POM121C: variants seen among roughly 807,000 people sequenced by gnomAD.
POM121C encodes the protein POM121 transmembrane nucleoporin C.
A neutral mutation model predicts 66.4 loss-of-function variants in POM121C; 20 were observed. The observed-to-expected ratio is 0.30, with a 90% confidence interval of 0.21 to 0.44. The LOEUF (loss-of-function observed/expected upper bound fraction) is 0.44. Ranked by LOEUF, POM121C falls within the 20% of genes least tolerant of loss-of-function variation. The pLI, the probability that POM121C is intolerant of heterozygous loss-of-function variation, is 1.00. For missense variants in POM121C, 580 were observed against 1,225.7 expected, an observed-to-expected ratio of 0.47 and a Z score of 7.87; for synonymous variants, 286 against 528.0, an observed-to-expected ratio of 0.54 and a Z score of 6.28.
At chr7:75,437,207 T>G (rs1199217236) in intron 7 of POM121C, among the ~76,000 whole-genome samples, 1 of 152,252 alleles carries the variant, frequency 6.6e-6, no homozygotes, top group African/African-American at 2.4e-5. Flanking sequence ...CTGGCCTATA[T>G]TGATCACTCA....
chr7:75,479,152 T>A (rs1584719782), intron 1 of POM121C, among the ~76,000 whole-genome samples: 1 of 152,166 alleles, frequency 6.6e-6, no homozygotes, highest in East Asian at 1.9e-4. Flanking sequence ...AAAGACACAA[T>A]GAAGACATTT....
chr7:75,432,707 T>C (rs1304116276), intron 7 of POM121C, among the ~76,000 whole-genome samples: 2 of 152,092 alleles, frequency 1.3e-5, no homozygotes, highest in Non-Finnish European at 2.9e-5. Flanking sequence ...CAAGATGTAA[T>C]GGATAAAAGA....
intron 7 of POM121C, among the ~76,000 whole-genome samples, chr7:75,436,593 C>T (rs369805227): frequency 6.9e-4 from 105 of 152,250 alleles, no homozygotes; most frequent in Non-Finnish European, 1.0e-3. Flanking sequence ...GTCTCAAAAA[C>T]GTTTCTCCTT....
intron 3 of POM121C, among the ~76,000 whole-genome samples, chr7:75,467,399 G>C (rs1434418741): frequency 6.6e-6 from 1 of 152,028 alleles, no homozygotes. Flanking sequence ...GGGTGTGGTG[G>C]CACATGCCTG....
intron 3 of POM121C, among the ~76,000 whole-genome samples, chr7:75,458,041 A>G (rs2690631): frequency 0.11 from 14,925 of 134,774 alleles, no homozygotes; most frequent in Middle Eastern, 0.16. Context: ...TTCAGCCTCA[A>G]AAGTGTGTTT....
intron 11 of POM121C, 126 bp downstream of exon 11, chr7:75,424,397 GACC>G (rs1789852475): frequency 7.3e-7 from 1 of 1,369,278 alleles, no homozygotes; most frequent in Non-Finnish European, 1.0e-6. Flanking sequence ...AGGTGAGAAA[GACC>G]ACAAGAAAAC....
At chr7:75,466,153 TG>T (rs1554477786) in intron 3 of POM121C, among the ~76,000 whole-genome samples, 2 of 149,034 alleles carry the variant, frequency 1.3e-5, no homozygotes, top group Non-Finnish European at 3.0e-5. Context: ...TCCTGTGAGA[TG>T]CAGCCAAAGT....
intron 3 of POM121C, among the ~76,000 whole-genome samples, chr7:75,461,354 T>TAAC: frequency 6.6e-6 from 1 of 152,230 alleles, no homozygotes; most frequent in East Asian, 1.9e-4. Context: ...CTTCACACAC[T>TAAC]AACAGCAGGG....
intron 3 of POM121C, among the ~76,000 whole-genome samples, chr7:75,468,846 A>AC (rs1791771515): frequency 1.3e-5 from 2 of 152,062 alleles, no homozygotes; most frequent in Non-Finnish European, 2.9e-5. Context: ...ACTTAGTGAG[A>AC]CCCCATCTGT....
rs587690200 is a variant in POM121C, at chr7:75,453,935, C to G, written c.-151-12288G>C. Among the ~76,000 whole-genome samples, 10 of 152,366 alleles carry G rather than the reference C, an allele frequency of 6.6e-5. No homozygotes were observed. In the South Asian group the frequency reaches 2.1e-3, roughly 32 times the overall value. ...GCCCCTCGCAGTCTCCCCATTTGGG[C>G]TGGTTTGGGCTTCATCACAGTCCGG... is the stretch of plus-strand genomic sequence containing the variant. On this transcript the variant is annotated intron_variant, in intron 3 of 14. Coordinates refer to ENST00000615331, the MANE Select transcript of POM121C (RefSeq NM_001099415.3).
At chr7:75,430,835 G>C (rs1275390715) in intron 7 of POM121C, among the ~76,000 whole-genome samples, 2 of 152,026 alleles carry the variant, frequency 1.3e-5, no homozygotes, top group East Asian at 3.9e-4. Flanking sequence ...CCAGAACTTT[G>C]GGAGACTGAG....
rs587653746 is a variant in POM121C, at chr7:75,424,031, G to A, written c.1048+18C>T. ...ATGCTGCTCAGAAGGCTGGATCCAC[G>A]GCCCCACTCCAGCTCACCTGGGCAG... On this transcript the variant is annotated intron_variant, in intron 12 of 14. Coordinates refer to ENST00000615331, the MANE Select transcript of POM121C (RefSeq NM_001099415.3). 1.2e-4 allele frequency: 196 copies of A among 1,609,562 alleles called. No individual in the cohort carries two copies. The East Asian group carries it at 3.7e-3, about 31-fold the overall frequency.
At chr7:75,477,133 A>ACACACACACACACT (rs1236003743) in intron 1 of POM121C, among the ~76,000 whole-genome samples, 6 of 146,848 alleles carry the variant, frequency 4.1e-5, no homozygotes, top group Admixed American at 1.4e-4. Context: ...ACACACACAC[A>ACACACACACACACT]CTCTTATGCC....
chr7:75,485,146 G>A (rs1254059528), intron 1 of POM121C, among the ~76,000 whole-genome samples: 2 of 152,118 alleles, frequency 1.3e-5, no homozygotes, highest in African/African-American at 4.8e-5. Context: ...CATCCCGCCC[G>A]CATTTTCTTA....
intron 1 of POM121C, among the ~76,000 whole-genome samples, chr7:75,484,662 CAAAAAAAAAA>C (rs10690558): frequency 2.1e-5 from 1 of 48,670 alleles, no homozygotes; most frequent in East Asian, 6.3e-4. Flanking sequence ...GACACTGTCT[CAAAAAAAAAA>C]AAAAAAAAAA....
chr7:75,482,623 G>T (rs587760519), intron 1 of POM121C, among the ~76,000 whole-genome samples: 1 of 152,292 alleles, frequency 6.6e-6, no homozygotes, highest in East Asian at 1.9e-4. Context: ...CCGGGAGATT[G>T]AGGTTGCAGT....
intron 3 of POM121C, among the ~76,000 whole-genome samples, chr7:75,452,334 C>T (rs2116451352): frequency 1.3e-5 from 2 of 152,038 alleles, no homozygotes; most frequent in African/African-American, 4.8e-5. Flanking sequence ...GTGGTGCACA[C>T]CTGTAATCCC....
At chr7:75,456,238 T>C (rs1228114386) in intron 3 of POM121C, among the ~76,000 whole-genome samples, 1 of 152,242 alleles carries the variant, frequency 6.6e-6, no homozygotes, top group African/African-American at 2.4e-5. Flanking sequence ...AACCCTGCTC[T>C]TAAAAAAATA....
At chr7:75,421,477 G>A in intron 13 of POM121C, 32 bp downstream of exon 13, 2 of 1,610,442 alleles carry the variant, frequency 1.2e-6, no homozygotes, top group Middle Eastern at 2.2e-4. Flanking sequence ...TCAGTGTCCG[G>A]CCCGGTAGCC....
Sources: gnomAD v4.1 joint callset for allele counts (sites outside exome capture counted in the v4.1 genomes callset) on GRCh38, gnomAD v4.1.1 for gene constraint, MANE v1.5 for transcripts, NCBI Gene and HGNC (gene_info 2026-07-23, HGNC 2026-07-21) for gene names.